CLTCL1: variants seen among roughly 807,000 people sequenced by gnomAD.
The protein encoded by CLTCL1 is clathrin heavy chain like 1.
Under a neutral mutation model 190.0 loss-of-function variants are expected in CLTCL1, and 159 were observed. The ratio of observed to expected loss-of-function variants is 0.84; its 90% confidence interval spans 0.74 to 0.95. The LOEUF is 0.95. CLTCL1 is among the 40% of genes least tolerant of loss of function. CLTCL1 has a pLI of 0.00. For synonymous variants in CLTCL1, 752 were observed against 769.6 expected, an observed-to-expected ratio of 0.98 and a Z score of 0.38; for missense variants, 1,878 against 2,033.4, an observed-to-expected ratio of 0.92 and a Z score of 1.47.
At chr22:19,212,759 A>G (rs188069663) in intron 19 of CLTCL1, among the ~76,000 whole-genome samples, 1 of 152,328 alleles carries the variant, frequency 6.6e-6, no homozygotes, top group Non-Finnish European at 1.5e-5. Context: ...GAGAAAGAGT[A>G]TTTTTAACAA....
chr22:19,240,174 T>G (rs2086207776), intron 4 of CLTCL1, among the ~76,000 whole-genome samples: 1 of 151,884 alleles, frequency 6.6e-6, no homozygotes, highest in African/African-American at 2.4e-5. Flanking sequence ...CAGGCTGGTC[T>G]CAAACTCCCG....
intron 18 of CLTCL1, among the ~76,000 whole-genome samples, 156 bp downstream of exon 18, chr22:19,219,729 A>G (rs1162941272): frequency 1.3e-5 from 2 of 151,922 alleles, no homozygotes; most frequent in Non-Finnish European, 2.9e-5. Context: ...CAAGTGATCC[A>G]CCCACCTCCG....
intron 1 of CLTCL1, among the ~76,000 whole-genome samples, chr22:19,289,394 A>G (rs575001271): frequency 5.3e-5 from 8 of 152,360 alleles, no homozygotes; most frequent in African/African-American, 1.9e-4. Flanking sequence ...AATATGGGAC[A>G]GAGACAGAAT....
intron 27 of CLTCL1, 82 bp downstream of exon 27, chr22:19,191,222 C>T: frequency 6.4e-7 from 1 of 1,552,904 alleles, no homozygotes; most frequent in Middle Eastern, 1.7e-4. Context: ...TTCAAAAACT[C>T]TTTATAAAGG....
chr22:19,210,632 T>TA (rs1555946210), intron 19 of CLTCL1, 123 bp from the exon 20 acceptor site: 1 of 660,282 alleles, frequency 1.5e-6, no homozygotes, highest in African/African-American at 1.8e-5. Context: ...TACACACACA[T>TA]AACTGCTAAG....
chr22:19,219,157 T>TTTTTA (rs1555951019), intron 18 of CLTCL1, among the ~76,000 whole-genome samples: 3 of 148,854 alleles, frequency 2.0e-5, no homozygotes, highest in African/African-American at 7.6e-5. Flanking sequence ...GACTAAGATG[T>TTTTTA]TTTATTTATT....
At position 19,201,475 on chromosome 22, in the gene CLTCL1, C is replaced by T. The variant is rs782596463; in HGVS notation, c.3619G>A (p.Glu1207Lys). ...HIQQVGDRCY[E>K]EGMYEAAKLL... ...TTGGCAGCCTCGTACATTCCCTCCT[C>T]GTAACAGCGGTCTCCAACCTACGGA... The change falls in exon 23 of 33, where the codon GAG (glutamate) becomes AAG (lysine). Residue 1207 changes from glutamate (E) to lysine (K), a missense_variant. Physicochemically the swap from Glu to Lys is moderately conservative, Grantham distance 56. Transcript: ENST00000427926. The T allele has an allele frequency of 2.0e-5, 32 of 1,613,418 alleles. No homozygotes were observed. Among genetic ancestry groups the T allele is most frequent in the Non-Finnish European group, 2.4e-5 (28 of 1,179,578 alleles).
chr22:19,188,592 G>T (rs1238419734), intron 27 of CLTCL1, among the ~76,000 whole-genome samples: 1 of 151,814 alleles, frequency 6.6e-6, no homozygotes, highest in Admixed American at 6.6e-5. Context: ...GAAGGCTGGA[G>T]AGGCTGTGGC....
At chr22:19,249,308 G>A (rs955741173) in intron 3 of CLTCL1, among the ~76,000 whole-genome samples, 1 of 151,982 alleles carries the variant, frequency 6.6e-6, no homozygotes, top group South Asian at 2.1e-4. Flanking sequence ...GCAGTGAGCC[G>A]AGATTGTGCC....
intron 18 of CLTCL1, among the ~76,000 whole-genome samples, chr22:19,217,239 AG>A (rs1555949966): frequency 6.6e-6 from 1 of 152,210 alleles, no homozygotes; most frequent in Non-Finnish European, 1.5e-5. Flanking sequence ...GGTATGCCTG[AG>A]GGAAAGGGGC....
At chr22:19,291,523 G>T (rs1253081050) in intron 1 of CLTCL1, 77 bp downstream of exon 1, 2 of 1,233,504 alleles carry the variant, frequency 1.6e-6, no homozygotes, top group Non-Finnish European at 2.1e-6. Flanking sequence ...GGGGCTGGGG[G>T]CGCGGGGTCA....
chr22:19,230,097 G>GTTTTTTTTTTTTTTTTTTTTTTTTTT lies in CLTCL1; in HGVS notation c.1645-123_1645-122insAAAAAAAAAAAAAAAAAAAAAAAAAA, dbSNP rs374875733. On this transcript the variant is annotated intron_variant, in intron 10 of 32. Transcript: ENST00000427926. ...AATTCAGCAATTAGTTCCCTCCCTTGGTTTTTTTTTTTTTTTTGAGATGGA... is the reference window on the plus strand; with the variant it reads ...AATTCAGCAATTAGTTCCCTCCCTTGTTTTTTTTTTTTTTTTTTTTTTTTTTGTTTTTTTTTTTTTTTTGAGATGGA... 4 of 530,318 alleles carry GTTTTTTTTTTTTTTTTTTTTTTTTTT rather than the reference G, an allele frequency of 7.5e-6. 2 individuals carry two copies. Among genetic ancestry groups the GTTTTTTTTTTTTTTTTTTTTTTTTTT allele is most frequent in the African/African-American group, 5.4e-5 (2 of 37,250 alleles). The allele number at this position is 530,318 out of a possible 1,614,324, so 32.9% of individuals were successfully genotyped here.
rs373136986 is a variant in CLTCL1, at chr22:19,240,255, G to A, written c.682-867C>T. Among the ~76,000 whole-genome samples, 18 of 151,926 alleles carry A rather than the reference G, an allele frequency of 1.2e-4. No individual in the cohort carries two copies. The East Asian group carries it at 2.5e-3, about 21-fold the overall frequency. On this transcript the variant is annotated intron_variant, in intron 4 of 32. Coordinates refer to ENST00000427926, the MANE Select transcript of CLTCL1 (RefSeq NM_007098.4). ...TGGGATTACAGGCACGAGCCACCAC[G>A]CCCAGCCACCATAACTTTCATCTAA...
chr22:19,249,018 G>T (rs1163610060), intron 3 of CLTCL1, among the ~76,000 whole-genome samples: 2 of 152,064 alleles, frequency 1.3e-5, no homozygotes. Flanking sequence ...GAACTGTCTT[G>T]GCAACCTTGT....
At chr22:19,265,594 T>C (rs1192724398) in intron 2 of CLTCL1, among the ~76,000 whole-genome samples, 1 of 152,076 alleles carries the variant, frequency 6.6e-6, no homozygotes, top group African/African-American at 2.4e-5. Flanking sequence ...AATGAAGCTA[T>C]GCTGGAGTGA....
intron 1 of CLTCL1, among the ~76,000 whole-genome samples, chr22:19,282,565 G>A (rs2087755897): frequency 6.6e-6 from 1 of 151,190 alleles, no homozygotes; most frequent in Non-Finnish European, 1.5e-5. Context: ...GGAGGTGGAG[G>A]CTGCAGCAAG....
intron 13 of CLTCL1, 25 bp downstream of exon 13, chr22:19,225,428 G>T: frequency 1.3e-6 from 2 of 1,542,794 alleles, no homozygotes; most frequent in Non-Finnish European, 8.8e-7. Context: ...ACATGGTGGG[G>T]TCGGCGAGAG....
chr22:19,275,194 A>T (rs967014983), intron 2 of CLTCL1, among the ~76,000 whole-genome samples: 3 of 152,208 alleles, frequency 2.0e-5, no homozygotes, highest in Non-Finnish European at 2.9e-5. Flanking sequence ...ATTTCAAGGA[A>T]GTAAAATTCT....
intron 22 of CLTCL1, among the ~76,000 whole-genome samples, chr22:19,203,083 G>A (rs1482330214): frequency 6.6e-6 from 1 of 152,224 alleles, no homozygotes; most frequent in Non-Finnish European, 1.5e-5. Context: ...GAGAGGCTGA[G>A]GCAGGTGGAT....
Sources: allele counts gnomAD v4.1 joint callset (sites outside exome capture counted in the v4.1 genomes callset), GRCh38; gene constraint gnomAD v4.1.1; transcripts MANE v1.5; gene names NCBI Gene and HGNC (gene_info 2026-07-23, HGNC 2026-07-21).